FAM124A: variants seen among roughly 807,000 people sequenced by gnomAD.
The protein encoded by FAM124A is family with sequence similarity 124 member A.
FAM124A carries 23 observed loss-of-function variants against 24.5 expected under a neutral mutation model. The observed-to-expected ratio is 0.94, with a 90% CI of 0.68 to 1.33. FAM124A has a LOEUF of 1.33. Among genes scored for constraint, FAM124A ranks in the 40% most tolerant of loss-of-function variants. The pLI, the probability that FAM124A is intolerant of heterozygous loss-of-function variation, is 0.00. For synonymous variants in FAM124A, 287 were observed against 314.7 expected, an observed-to-expected ratio of 0.91 and a Z score of 0.93; for missense variants, 623 against 722.8, an observed-to-expected ratio of 0.86 and a Z score of 1.58.
intron 3 of FAM124A, among the ~76,000 whole-genome samples, chr13:51,276,450 G>A (rs1246322892): frequency 6.6e-6 from 1 of 152,190 alleles, no homozygotes; most frequent in Non-Finnish European, 1.5e-5. Context: ...GCAAGCATTT[G>A]CTCAACCGCC....
chr13:51,249,013 G>C (rs1402686306), intron 2 of FAM124A, among the ~76,000 whole-genome samples: 1 of 152,160 alleles, frequency 6.6e-6, no homozygotes, highest in Non-Finnish European at 1.5e-5. Flanking sequence ...ACTGAATTGA[G>C]CTGAGGCCCC....
intron 2 of FAM124A, among the ~76,000 whole-genome samples, chr13:51,234,861 TAG>T (rs1390478076): frequency 6.6e-6 from 1 of 152,152 alleles, no homozygotes; most frequent in Non-Finnish European, 1.5e-5. Context: ...TCGGTCACAG[TAG>T]AGAGACTGTG....
At chr13:51,263,918 T>C (rs1384629973) in intron 3 of FAM124A, among the ~76,000 whole-genome samples, 2 of 152,248 alleles carry the variant, frequency 1.3e-5, no homozygotes, top group Non-Finnish European at 2.9e-5. Flanking sequence ...AATGAACTTT[T>C]TGTTATTTAA....
At chr13:51,230,958 GTGT>G (rs1188030724) in intron 1 of FAM124A, among the ~76,000 whole-genome samples, 1 of 152,194 alleles carries the variant, frequency 6.6e-6, no homozygotes, top group East Asian at 1.9e-4. Context: ...TTTCCCCATG[GTGT>G]TGTGCGAATA....
rs1348065037 is a variant in FAM124A at position 51,231,356 on chromosome 13, A to G, written c.77A>G (p.Tyr26Cys). ...DSGAETGGSDYSHLSSTSSEL... is the reference protein window; with the variant it reads ...DSGAETGGSDCSHLSSTSSEL... ...GAGGTCTTGTGTTTCAGGTCCGACTACAGCCACCTGTCCTCCACGAGCAGT... is the reference window on the plus strand; with the variant it reads ...GAGGTCTTGTGTTTCAGGTCCGACTGCAGCCACCTGTCCTCCACGAGCAGT... The change falls in exon 2 of 4, where the codon TAC becomes TGC. Residue 26 changes from tyrosine to cysteine, a missense_variant. By Grantham distance (194) the Tyr-to-Cys change is radical. Coordinates refer to ENST00000322475, the MANE Select transcript of FAM124A (RefSeq NM_001242312.2). 6.2e-7 allele frequency: 1 copy of G among 1,613,766 alleles called. No homozygotes were observed. The highest frequency in any genetic ancestry group is 1.3e-5 in the African/African-American group (1 of 74,904).
At chr13:51,260,663 G>C (rs1954726366) in intron 3 of FAM124A, among the ~76,000 whole-genome samples, 1 of 152,188 alleles carries the variant, frequency 6.6e-6, no homozygotes, top group African/African-American at 2.4e-5. Context: ...CAGTACTACA[G>C]ATGGTAAGTG....
chr13:51,281,728 A>G lies in FAM124A; in HGVS notation c.*472A>G, dbSNP rs962487342. On this transcript the variant is annotated 3_prime_UTR_variant, in exon 4 of 4. Transcript: ENST00000322475. ...ACGCACACCTTACTGGATTCTCCATATATATTTACATTACCAGAGAACAGT... is the reference window on the plus strand; with the variant it reads ...ACGCACACCTTACTGGATTCTCCATGTATATTTACATTACCAGAGAACAGT... The G allele has an allele frequency of 2.0e-5, 3 of 153,130 alleles. No homozygotes were observed. Among genetic ancestry groups the G allele is most frequent in the Non-Finnish European group, 4.4e-5 (3 of 68,742 alleles). 9.5% of individuals were successfully genotyped at this position (153,130 alleles called of 1,614,324 possible).
chr13:51,257,132 C>T (rs1388209485), intron 3 of FAM124A, among the ~76,000 whole-genome samples: 7 of 152,162 alleles, frequency 4.6e-5, no homozygotes, highest in African/African-American at 1.4e-4. Flanking sequence ...TGAATAACAC[C>T]GCTATGAACG....
intron 1 of FAM124A, among the ~76,000 whole-genome samples, chr13:51,229,011 A>G (rs1954345821): frequency 6.6e-6 from 1 of 152,236 alleles, no homozygotes; most frequent in Non-Finnish European, 1.5e-5. Context: ...GTGTAGCAGC[A>G]TGTTATGATG....
intron 2 of FAM124A, among the ~76,000 whole-genome samples, chr13:51,250,675 TG>T (rs1298690951): frequency 6.6e-6 from 1 of 152,214 alleles, no homozygotes; most frequent in African/African-American, 2.4e-5. Flanking sequence ...TAGCCTTTCA[TG>T]GGCAGTCATG....
intron 1 of FAM124A, among the ~76,000 whole-genome samples, chr13:51,225,993 T>C (rs1217483698): frequency 3.0e-4 from 39 of 129,020 alleles, no homozygotes; most frequent in Non-Finnish European, 3.3e-4. Context: ...TTTTTTTTTT[T>C]TTTTTTTTTT....
intron 2 of FAM124A, among the ~76,000 whole-genome samples, chr13:51,237,793 T>C (rs908159779): frequency 6.6e-6 from 1 of 152,186 alleles, no homozygotes; most frequent in African/African-American, 2.4e-5. Flanking sequence ...GCATCTTGTA[T>C]ACCTATAGCT....
At chr13:51,255,245 T>C (rs1369221413) in intron 3 of FAM124A, among the ~76,000 whole-genome samples, 1 of 152,178 alleles carries the variant, frequency 6.6e-6, no homozygotes, top group Non-Finnish European at 1.5e-5. Context: ...CAAATATTGA[T>C]AGAAAAATTA....
intron 1 of FAM124A, among the ~76,000 whole-genome samples, chr13:51,231,136 G>A (rs1415603727): frequency 6.6e-6 from 1 of 152,214 alleles, no homozygotes; most frequent in Non-Finnish European, 1.5e-5. Flanking sequence ...GAACTCACAT[G>A]AGAGCCCCCA....
intron 2 of FAM124A, 106 bp downstream of exon 2, chr13:51,231,485 A>G: frequency 8.1e-7 from 1 of 1,227,388 alleles, no homozygotes; most frequent in Non-Finnish European, 1.1e-6. Flanking sequence ...AAGAATCACC[A>G]AAGCATCTTT....
chr13:51,263,770 C>T (rs984226164), intron 3 of FAM124A, among the ~76,000 whole-genome samples: 19 of 151,916 alleles, frequency 1.3e-4, no homozygotes, highest in African/African-American at 3.9e-4. Context: ...TATATACTGC[C>T]GTCTAAAAAA....
chr13:51,224,187 G>C (rs990930162), intron 1 of FAM124A, among the ~76,000 whole-genome samples: 1 of 152,252 alleles, frequency 6.6e-6, no homozygotes, highest in Non-Finnish European at 1.5e-5. Flanking sequence ...AAGAATTCTT[G>C]GCCAGGTGCG....
rs933151919 is a variant in FAM124A, at chr13:51,226,491, T to A, written c.68+3922T>A. ...AGATTTGAATAGTTGTTTGGGGCAA[T>A]GTTGAGTGGGTGCCCAGTTGAAATT... On this transcript the variant is annotated intron_variant, in intron 1 of 3. Transcript: ENST00000322475. 1.3e-4 allele frequency among the ~76,000 whole-genome samples: 20 copies of A among 152,124 alleles called. 1 individual carries two copies. Among genetic ancestry groups the A allele is most frequent in the African/African-American group, 4.8e-4 (20 of 41,428 alleles).
At chr13:51,279,168 G>A (rs1465199799) in intron 3 of FAM124A, among the ~76,000 whole-genome samples, 1 of 152,148 alleles carries the variant, frequency 6.6e-6, no homozygotes, top group Admixed American at 6.5e-5. Flanking sequence ...AACAACCTCT[G>A]TACCCAAGGA....
Sources: gnomAD v4.1 joint callset for allele counts (sites outside exome capture counted in the v4.1 genomes callset) on GRCh38, gnomAD v4.1.1 for gene constraint, MANE v1.5 for transcripts, NCBI Gene and HGNC (gene_info 2026-07-23, HGNC 2026-07-21) for gene names.